The following PCDHGC3 variants were observed in gnomAD, a reference collection of about 807,000 sequenced individuals.
PCDHGC3 encodes the protein protocadherin gamma subfamily C, 3, also known as protocadherin gamma-C3.
A neutral mutation model predicts 59.2 loss-of-function variants in PCDHGC3; 26 were observed. That is an observed-to-expected ratio of 0.44 (90% CI 0.32 to 0.61). The LOEUF (loss-of-function observed/expected upper bound fraction) is 0.61, where lower values mean the gene tolerates loss of function less well. Among genes scored for constraint, PCDHGC3 ranks in the 20% least tolerant of loss-of-function variants. The probability of loss-of-function intolerance (pLI) is 0.05; values close to 1 mark genes in which losing one functional copy is unlikely to be tolerated. For synonymous variants in PCDHGC3, 487 were observed against 519.7 expected (o/e 0.94, Z 0.86); for missense variants, 1,080 against 1,221.8 (o/e 0.88, Z 1.73).
Position 141,485,096 on chromosome 5 carries a change from C to T in PCDHGC3, c.2430+6550C>T, listed in dbSNP as rs1166994104. On this transcript the variant is annotated intron_variant, in intron 1 of 3. Coordinates refer to ENST00000308177, the MANE Select transcript of PCDHGC3 (RefSeq NM_002588.4). This position sits in a 1 kb window ranked among gnomAD's most constrained non-coding sequence, Gnocchi z 5.7. The stretch of plus-strand genomic sequence containing the variant: ...CGCGGGGAAAGGGAGATAGGTGTCT[C>T]CAGCTGCTGTGGCTGTTTGGGGCGG... The T allele has an allele frequency of 1.8e-6, 2 of 1,125,566 alleles. No homozygotes were observed. The highest frequency in any genetic ancestry group is 3.1e-5 in the African/African-American group (2 of 64,908). 69.7% of individuals were successfully genotyped at this position (1,125,566 alleles called of 1,614,324 possible).
rs779191558 is a variant in PCDHGC3 at position 141,491,465 on chromosome 5, A to G, written c.2431-3342A>G. On this transcript the variant is annotated intron_variant, in intron 1 of 3. Coordinates refer to ENST00000308177, the MANE Select transcript of PCDHGC3 (RefSeq NM_002588.4). This position sits in a 1 kb window ranked among gnomAD's most constrained non-coding sequence, Gnocchi z 6.9. The stretch of plus-strand genomic sequence containing the variant: ...CAGGACTCACCCTCCCCGGACTTCT[A>G]TAAGCAGTCCAGCCCCAACCTGCAG... 1.2e-6 allele frequency: 2 copies of G among 1,613,974 alleles called. No homozygotes were observed. The highest frequency in any genetic ancestry group is 1.1e-5 in the South Asian group (1 of 91,084).
chr5:141,476,951 A>C lies in PCDHGC3; in HGVS notation c.835A>C (p.Ile279Leu). Residue 279 changes from isoleucine (I) to leucine (L), a missense_variant, in exon 1 of 4, where the codon ATT (isoleucine) becomes CTT (leucine). By Grantham distance (5) the Ile-to-Leu change is conservative. Coordinates refer to ENST00000308177, the MANE Select transcript of PCDHGC3 (RefSeq NM_002588.4). The surrounding 1 kb of genome is among the most constrained non-coding windows in gnomAD (Gnocchi z 7.6). ...TCTGGATGAAGGCCCCAACGGTGAA[A>C]TTATTTACTCCTTCGGCAGCCACAA... ...TDLDEGPNGE[I>L]IYSFGSHNRA... 6.2e-7 allele frequency: 1 copy of C among 1,614,184 alleles called. No individual in the cohort carries two copies. Among genetic ancestry groups the C allele is most frequent in the South Asian group, 1.1e-5 (1 of 91,088 alleles).
In PCDHGC3 at chr5:141,478,210, A is replaced by G; in HGVS notation, c.2094A>G (p.Leu698=). 1 of 1,614,064 alleles carries G rather than the reference A, an allele frequency of 6.2e-7. No individual in the cohort carries two copies. The highest frequency in any genetic ancestry group is 2.2e-5 in the East Asian group (1 of 44,880). ...TCACCTTTTATCTACTTCTTTCTCT[A>G]ATCCTGGTTTCTGTGGGGTTTGTGG... ...KNLTFYLLLS[L]ILVSVGFVVT... is the part of the protein sequence containing the mutation. The change falls in exon 1 of 4, where the codon CTA becomes CTG. Residue 698 remains leucine, a synonymous_variant. Coordinates refer to ENST00000308177, the MANE Select transcript of PCDHGC3 (RefSeq NM_002588.4).
chr5:141,500,005 G>A (rs994274763), intron 2 of PCDHGC3, among the ~76,000 whole-genome samples: 30 of 151,476 alleles, frequency 2.0e-4, no homozygotes, highest in Non-Finnish European at 3.8e-4. Context: ...TCTTTCATAA[G>A]GTCCACATTT....
chr5:141,490,585 G>C lies in PCDHGC3; in HGVS notation c.2431-4222G>C. On this transcript the variant is annotated intron_variant, in intron 1 of 3. Transcript: ENST00000308177. The surrounding 1 kb of genome is among the most constrained non-coding windows in gnomAD (Gnocchi z 5.4). Reference sequence around the variant, plus strand: ...CAGGCTCAACATTTCAGATGTCAATGACAATGCACCCCGCTTCAACCAGCA... The same window carrying C: ...CAGGCTCAACATTTCAGATGTCAATCACAATGCACCCCGCTTCAACCAGCA... The C allele has an allele frequency of 6.2e-7, 1 of 1,614,142 alleles. No homozygotes were observed. Among genetic ancestry groups the C allele is most frequent in the South Asian group, 1.1e-5 (1 of 91,078 alleles).
At chr5:141,495,960 C>G (rs1380397345) in intron 2 of PCDHGC3, among the ~76,000 whole-genome samples, 2 of 151,998 alleles carry the variant, frequency 1.3e-5, no homozygotes, top group East Asian at 3.9e-4. Context: ...CTTTTTCTGC[C>G]TCTTTCTCTG....
In PCDHGC3 at chr5:141,493,521, G is replaced by A. The variant is rs967636266; in HGVS notation, c.2431-1286G>A. Among the ~76,000 whole-genome samples the A allele has an allele frequency of 3.9e-5, 6 of 152,242 alleles. No homozygotes were observed. In the East Asian group the frequency reaches 7.7e-4, roughly 20 times the overall value. The stretch of plus-strand genomic sequence containing the variant: ...CTCATTTCTGAGCAGTCCCCGCAGC[G>A]CAAACTTGGCCAGTTATCCTTTTGG... On this transcript the variant is annotated intron_variant, in intron 1 of 3. Coordinates refer to ENST00000308177, the MANE Select transcript of PCDHGC3 (RefSeq NM_002588.4). This position sits in a 1 kb window ranked among gnomAD's most constrained non-coding sequence, Gnocchi z 4.3.
chr5:141,496,747 A>T (rs13188028), intron 2 of PCDHGC3, among the ~76,000 whole-genome samples: 1 of 152,124 alleles, frequency 6.6e-6, no homozygotes, highest in Non-Finnish European at 1.5e-5. Context: ...CATTTATTCA[A>T]CAAATATTTA....
chr5:141,477,642 A>G lies in PCDHGC3; in HGVS notation c.1526A>G (p.Tyr509Cys), dbSNP rs767152121. Residue 509 changes from tyrosine (Y) to cysteine (C), a missense_variant, in exon 1 of 4, where the codon TAT (tyrosine) becomes TGT (cysteine). By Grantham distance (194) the Tyr-to-Cys change is radical. Transcript: ENST00000308177. The surrounding 1 kb of genome is among the most constrained non-coding windows in gnomAD (Gnocchi z 4.9). ...GCTGAAACCGGGCTAGTGGGTCGCT[A>G]TTTCACAATAAATCGTGACAATGGC... ...QGAETGLVGR[Y>C]FTINRDNGIV... 9 of 1,614,136 alleles carry G rather than the reference A, an allele frequency of 5.6e-6. No individual in the cohort carries two copies. Among genetic ancestry groups the G allele is most frequent in the Non-Finnish European group, 7.6e-6 (9 of 1,180,022 alleles).
chr5:141,482,981 AGG>A (rs2099575420), intron 1 of PCDHGC3, among the ~76,000 whole-genome samples: 1 of 150,250 alleles, frequency 6.7e-6, no homozygotes, highest in African/African-American at 2.5e-5. Context: ...GCTACTTGAG[AGG>A]TCGAGGCAGG....
At position 141,478,520 on chromosome 5, in the gene PCDHGC3, G is replaced by C. The variant is rs1474701976; in HGVS notation, c.2404G>C (p.Gly802Arg). ...CDPVFYRQVLGAESAPPGQQA... is the reference protein window; with the variant it reads ...CDPVFYRQVLRAESAPPGQQA... ...TCCGGTGTTCTATAGGCAGGTGTTG[G>C]GTGCAGAGAGCGCCCCTCCCGGACA... Residue 802 changes from glycine to arginine, a missense_variant, in exon 1 of 4, where the codon GGT becomes CGT. Gly to Arg is a moderately radical substitution (Grantham distance 125, BLOSUM62 -2). Coordinates refer to ENST00000308177, the MANE Select transcript of PCDHGC3 (RefSeq NM_002588.4). The C allele has an allele frequency of 1.2e-6, 2 of 1,610,510 alleles. No homozygotes were observed. The highest frequency in any genetic ancestry group is 4.5e-5 in the East Asian group (2 of 44,762).
Position 141,494,770 on chromosome 5 carries a change from C to T in PCDHGC3, c.2431-37C>T, listed in dbSNP as rs767006872. 43 of 1,614,022 alleles carry T rather than the reference C, an allele frequency of 2.7e-5. No homozygotes were observed. In the East Asian group the frequency reaches 7.6e-4, roughly 28 times the overall value. On this transcript the variant is annotated intron_variant, in intron 1 of 3. Coordinates refer to ENST00000308177, the MANE Select transcript of PCDHGC3 (RefSeq NM_002588.4). ...GCTCGGGTGACATTCTAACTTCTCA[C>T]GGGTACTCAGCCCCTTTCCCTCTGT...
chr5:141,487,751 G>A lies in PCDHGC3; in HGVS notation c.2431-7056G>A. ...CACCATTTTTGTAAGAGGTAACTAT[G>A]TGGTAGACGCTGTGCTTTGTAACTG... On this transcript the variant is annotated intron_variant, in intron 1 of 3. Coordinates refer to ENST00000308177, the MANE Select transcript of PCDHGC3 (RefSeq NM_002588.4). This position sits in a 1 kb window ranked among gnomAD's most constrained non-coding sequence, Gnocchi z 5.0. 1 of 1,555,004 alleles carries A rather than the reference G, an allele frequency of 6.4e-7. No homozygotes were observed.
At chr5:141,508,267 C>G (rs993402135) in intron 3 of PCDHGC3, 5 of 152,336 alleles carry the variant, frequency 3.3e-5, no homozygotes, top group African/African-American at 9.6e-5. Context: ...AAGAGAAAAT[C>G]CCGGTCCTTG....
At chr5:141,503,384 C>G (rs898225633) in intron 2 of PCDHGC3, among the ~76,000 whole-genome samples, 1 of 151,906 alleles carries the variant, frequency 6.6e-6, no homozygotes, top group Non-Finnish European at 1.5e-5. Flanking sequence ...ATCATGAGGT[C>G]AGGAGTTCGA....
At position 141,486,254 on chromosome 5, in the gene PCDHGC3, G is replaced by A. The variant is rs2099626723; in HGVS notation, c.2430+7708G>A. ...GACCTCAGAGCTTGGAACCCTCCCCGAGAGTGCAGAACCTGGCACTGTGGT... is the reference window on the plus strand; with the variant it reads ...GACCTCAGAGCTTGGAACCCTCCCCAAGAGTGCAGAACCTGGCACTGTGGT... On this transcript the variant is annotated intron_variant, in intron 1 of 3. Transcript: ENST00000308177. This position sits in a 1 kb window ranked among gnomAD's most constrained non-coding sequence, Gnocchi z 5.0. The A allele has an allele frequency of 1.2e-6, 2 of 1,613,992 alleles. No individual in the cohort carries two copies. Among genetic ancestry groups the A allele is most frequent in the Non-Finnish European group, 1.7e-6 (2 of 1,179,982 alleles).
chr5:141,497,110 C>T (rs964183820), intron 2 of PCDHGC3, among the ~76,000 whole-genome samples: 2 of 151,738 alleles, frequency 1.3e-5, no homozygotes, highest in African/African-American at 2.4e-5. Context: ...TGCTTGAACC[C>T]GGAAGGCAGA....
At chr5:141,494,363 T>C (rs1264801258) in intron 1 of PCDHGC3, among the ~76,000 whole-genome samples, 1 of 152,206 alleles carries the variant, frequency 6.6e-6, no homozygotes, top group Non-Finnish European at 1.5e-5. Context: ...CTGCAGAGGA[T>C]GCTTTGTTCC....
Position 141,487,265 on chromosome 5 carries a change from G to C in PCDHGC3, c.2431-7542G>C, listed in dbSNP as rs144347539. 6,978 of 1,614,152 alleles carry C rather than the reference G, an allele frequency of 4.3e-3. 28 individuals carry two copies. Among genetic ancestry groups the C allele is most frequent in the Non-Finnish European group, 4.9e-3 (5,770 of 1,180,028 alleles). ...AACCCTCTACTTGGCTGTGTCCCTA[G>C]TGGCAATTTGCTTTGTCTCCTTTGG... On this transcript the variant is annotated intron_variant, in intron 1 of 3. Coordinates refer to ENST00000308177, the MANE Select transcript of PCDHGC3 (RefSeq NM_002588.4). This position sits in a 1 kb window ranked among gnomAD's most constrained non-coding sequence, Gnocchi z 5.0.
Sources: allele counts gnomAD v4.1 joint callset (sites outside exome capture counted in the v4.1 genomes callset), GRCh38; gene constraint gnomAD v4.1.1; non-coding constraint Gnocchi (gnomAD v3.1); transcripts MANE v1.5; gene names NCBI Gene and HGNC (gene_info 2026-07-23, HGNC 2026-07-21).